Variants in DSCAM observed in about 807,000 individuals in gnomAD.
The protein encoded by DSCAM is cell adhesion molecule DSCAM.
In DSCAM, 47 loss-of-function variants were observed where a neutral mutation model predicts 217.7. That is an observed-to-expected ratio of 0.22 (90% CI 0.17 to 0.28). The LOEUF is 0.28. Ranked by LOEUF, DSCAM falls within the 10% of genes least tolerant of loss-of-function variation. The pLI, the probability that DSCAM is intolerant of heterozygous loss-of-function variation, is 1.00. For missense variants in DSCAM, 2,080 were observed against 2,618.3 expected (o/e 0.79, Z 4.49); for synonymous variants, 1,056 against 1,015.3 (o/e 1.04, Z -0.76).
intron 3 of DSCAM, among the ~76,000 whole-genome samples, chr21:40,620,304 AAGAGAGAG>A (rs771649302): frequency 8.8e-6 from 1 of 113,880 alleles, no homozygotes; most frequent in South Asian, 3.2e-4. Flanking sequence ...AAGAAAAAGA[AAGAGAGAG>A]AGAAAGAGAG....
intron 30 of DSCAM, among the ~76,000 whole-genome samples, chr21:40,050,047 G>A (rs1330433034): frequency 1.3e-5 from 2 of 152,208 alleles, no homozygotes; most frequent in Non-Finnish European, 2.9e-5. Flanking sequence ...CTGCCCTGCT[G>A]CGTTACATGC....
Position 40,078,747 on chromosome 21 carries a change from A to G in DSCAM, c.4651T>C (p.Cys1551Arg), listed in dbSNP as rs2089407844. 1.2e-6 allele frequency: 2 copies of G among 1,614,218 alleles called. No individual in the cohort carries two copies. The highest frequency in any genetic ancestry group is 1.7e-6 in the Non-Finnish European group (2 of 1,180,048). ...TTCTCCGCGCAGCCCGCACTGTTGC[A>G]CACCCGCATCTGCAGCTCATACCAG... is the stretch of plus-strand genomic sequence containing the variant. ...ATWYELQMRV[C>R]NSAGCAEKQA... is the part of the protein sequence containing the mutation. Residue 1551 changes from cysteine (C) to arginine (R), a missense_variant, in exon 26 of 33, where the codon TGC (cysteine) becomes CGC (arginine). Cys to Arg is a radical substitution (Grantham distance 180). This residue lies in a region of DSCAM where 1,144 missense variants were observed against 1,421.1 expected (regional missense o/e 0.81). Coordinates refer to ENST00000400454, the MANE Select transcript of DSCAM (RefSeq NM_001389.5).
At chr21:40,508,775 ATATATATATTTT>A (rs2076234240) in intron 3 of DSCAM, among the ~76,000 whole-genome samples, 2 of 4,180 alleles carry the variant, frequency 4.8e-4, no homozygotes, top group South Asian at 0.014. Context: ...ATATATATAT[ATATATATATTTT>A]TTTTTTTTTT....
In DSCAM at chr21:40,833,724, C is replaced by T. The variant is rs866814338; in HGVS notation, c.43+12895G>A. 1.8e-4 allele frequency among the ~76,000 whole-genome samples: 28 copies of T among 152,326 alleles called. 1 individual carries two copies. The highest frequency in any genetic ancestry group is 3.3e-4 in the Admixed American group (5 of 15,314). ...AGCCAAAGGAATTGCAACTGAGATTCATGACATTTTCCTTCCTCCTCTCTC... is the reference window on the plus strand; with the variant it reads ...AGCCAAAGGAATTGCAACTGAGATTTATGACATTTTCCTTCCTCCTCTCTC... On this transcript the variant is annotated intron_variant, in intron 1 of 32. Coordinates refer to ENST00000400454, the MANE Select transcript of DSCAM (RefSeq NM_001389.5).
At chr21:40,410,269 T>C (rs2075311229) in intron 3 of DSCAM, among the ~76,000 whole-genome samples, 2 of 152,120 alleles carry the variant, frequency 1.3e-5, no homozygotes, top group Middle Eastern at 3.2e-3. Context: ...AGAAATCATC[T>C]GTGAACTCAT....
At chr21:40,675,311 A>T (rs1368341188) in intron 3 of DSCAM, among the ~76,000 whole-genome samples, 2 of 151,874 alleles carry the variant, frequency 1.3e-5, no homozygotes, top group Non-Finnish European at 2.9e-5. Flanking sequence ...TGGAGTAGAG[A>T]AGGGAAAAAT....
intron 1 of DSCAM, among the ~76,000 whole-genome samples, chr21:40,718,392 A>C (rs2090866242): frequency 6.6e-6 from 1 of 152,232 alleles, no homozygotes; most frequent in African/African-American, 2.4e-5. Flanking sequence ...GGCAATTTAC[A>C]AGAGAAAGGT....
intron 1 of DSCAM, among the ~76,000 whole-genome samples, chr21:40,797,241 C>T (rs1405926364): frequency 6.6e-6 from 1 of 152,188 alleles, no homozygotes; most frequent in Non-Finnish European, 1.5e-5. Context: ...TTAACCATAT[C>T]AGTAAACATC....
In DSCAM at chr21:40,105,539, C is replaced by T. The variant is rs567202610; in HGVS notation, c.3697-11665G>A. Among the ~76,000 whole-genome samples, 22 of 152,280 alleles carry T rather than the reference C, an allele frequency of 1.4e-4. No individual in the cohort carries two copies. In the South Asian group the frequency reaches 4.1e-3, roughly 29 times the overall value. On this transcript the variant is annotated intron_variant, in intron 20 of 32. Coordinates refer to ENST00000400454, the MANE Select transcript of DSCAM (RefSeq NM_001389.5). ...TCTGCACTTCCTCTTGCTGCTGCCA[C>T]GTGAAGAAGGACATGTTTGTGTCCC...
chr21:40,829,890 A>T (rs1254546346), intron 1 of DSCAM, among the ~76,000 whole-genome samples: 4 of 152,168 alleles, frequency 2.6e-5, no homozygotes, highest in Non-Finnish European at 5.9e-5. Flanking sequence ...TGCTGGGATG[A>T]AAACAAACCA....
At chr21:40,436,673 G>C (rs950617910) in intron 3 of DSCAM, among the ~76,000 whole-genome samples, 29 of 152,180 alleles carry the variant, frequency 1.9e-4, no homozygotes, top group African/African-American at 6.5e-4. Flanking sequence ...CAGCTACAAA[G>C]CTTGAAGGAC....
At chr21:40,361,779 C>T (rs2074768791) in intron 4 of DSCAM, among the ~76,000 whole-genome samples, 1 of 152,210 alleles carries the variant, frequency 6.6e-6, no homozygotes, top group South Asian at 2.1e-4. Flanking sequence ...ACTCCCAATT[C>T]ATTTTTCCTC....
intron 3 of DSCAM, among the ~76,000 whole-genome samples, chr21:40,674,626 CTTTTTCTTTTTT>C (rs1248936521): frequency 1.9e-5 from 2 of 105,874 alleles, no homozygotes; most frequent in East Asian, 2.9e-4. Context: ...TTTTCTTTTT[CTTTTTCTTTTTT>C]TTTTTTTTTT....
intron 3 of DSCAM, among the ~76,000 whole-genome samples, chr21:40,420,068 C>A (rs2075408693): frequency 6.6e-6 from 1 of 151,986 alleles, no homozygotes; most frequent in Non-Finnish European, 1.5e-5. Context: ...AAAAATTAGG[C>A]ACAAAGCAAA....
chr21:40,653,564 AAAG>A (rs1273695124), intron 3 of DSCAM, among the ~76,000 whole-genome samples: 15 of 152,166 alleles, frequency 9.9e-5, no homozygotes, highest in Non-Finnish European at 1.9e-4. Flanking sequence ...TCAGTGATGG[AAAG>A]AAGGCCACAC....
At chr21:40,170,138 C>G (rs983650016) in intron 15 of DSCAM, among the ~76,000 whole-genome samples, 1 of 152,170 alleles carries the variant, frequency 6.6e-6, no homozygotes, top group Non-Finnish European at 1.5e-5. Context: ...CCAAAACACA[C>G]GGGACCCCTG....
At chr21:40,790,168 T>TTTTC (rs953483287) in intron 1 of DSCAM, among the ~76,000 whole-genome samples, 7 of 149,582 alleles carry the variant, frequency 4.7e-5, no homozygotes, top group Admixed American at 2.7e-4. Flanking sequence ...ATGCAAACGT[T>TTTTC]TTTCTTTCTT....
intron 26 of DSCAM, 90 bp downstream of exon 26, chr21:40,078,597 G>A: frequency 2.0e-6 from 3 of 1,517,908 alleles, no homozygotes; most frequent in South Asian, 1.3e-5. Flanking sequence ...TCAAACTATG[G>A]CAAAGATGAT....
chr21:40,245,408 T>C (rs1429853201), intron 11 of DSCAM, among the ~76,000 whole-genome samples: 1 of 152,032 alleles, frequency 6.6e-6, no homozygotes, highest in African/African-American at 2.4e-5. Flanking sequence ...CTCTGACACA[T>C]GAGAAAAAAG....
Sources: gnomAD v4.1 joint callset for allele counts (sites outside exome capture counted in the v4.1 genomes callset) on GRCh38, gnomAD v4.1.1 for gene constraint, gnomAD v4.1.1 regional missense constraint, MANE v1.5 for transcripts, NCBI Gene and HGNC (gene_info 2026-07-23, HGNC 2026-07-21) for gene names.